CDC14A: variants seen among roughly 807,000 people sequenced by gnomAD.
CDC14A encodes dual specificity protein phosphatase CDC14A.
Under a neutral mutation model 74.4 loss-of-function variants are expected in CDC14A, and 53 were observed. The observed-to-expected ratio is 0.71, with a 90% confidence interval of 0.57 to 0.89. The LOEUF (loss-of-function observed/expected upper bound fraction) is 0.89. Ranked by LOEUF, CDC14A falls within the 40% of genes least tolerant of loss-of-function variation. The pLI, the probability that CDC14A is intolerant of heterozygous loss-of-function variation, is 0.00. For missense variants in CDC14A, 646 were observed against 713.7 expected (o/e 0.91, Z 1.08); for synonymous variants, 247 against 258.4 (o/e 0.96, Z 0.43).
chr1:100,455,907 A>C (rs146575794), intron 8 of CDC14A, among the ~76,000 whole-genome samples: 1 of 152,362 alleles, frequency 6.6e-6, no homozygotes, highest in East Asian at 1.9e-4. Flanking sequence ...TCTGTCATTT[A>C]CTGAATACTT....
At chr1:100,499,584 G>A (rs1455304436) in intron 15 of CDC14A, 1 of 672,300 alleles carries the variant, frequency 1.5e-6, no homozygotes, top group Admixed American at 3.5e-5. Flanking sequence ...TTACTTTTCA[G>A]TTATGTTTCC....
chr1:100,363,151 T>G (rs1488877652), intron 2 of CDC14A: 1 of 152,276 alleles, frequency 6.6e-6, no homozygotes, highest in Non-Finnish European at 1.5e-5. Context: ...AGTGCCGTCT[T>G]GTCTGCTCCT....
At chr1:100,498,782 G>A (rs536410755) in intron 14 of CDC14A, 147 bp from the exon 15 acceptor site, 60 of 1,179,370 alleles carry the variant, frequency 5.1e-5, no homozygotes, top group Non-Finnish European at 5.1e-5. Context: ...GGGTGATGAG[G>A]AAGCCATCCT....
At chr1:100,476,000 C>T (rs1668856082) in intron 10 of CDC14A, among the ~76,000 whole-genome samples, 1 of 152,130 alleles carries the variant, frequency 6.6e-6, no homozygotes, top group South Asian at 2.1e-4. Flanking sequence ...TCCAGGATCC[C>T]CTCTCAGTCT....
chr1:100,348,410 C>T (rs1650626743), upstream of CDC14A, among the ~76,000 whole-genome samples: 2 of 151,794 alleles, frequency 1.3e-5, no homozygotes, highest in African/African-American at 2.4e-5. Context: ...TTCAGAACTG[C>T]TTACACCAGT....
intron 15 of CDC14A, among the ~76,000 whole-genome samples, chr1:100,500,106 C>CT (rs1317957892): frequency 6.6e-6 from 1 of 152,088 alleles, no homozygotes; most frequent in African/African-American, 2.4e-5. Flanking sequence ...GTATTGAGAT[C>CT]TATAGGAATG....
intron 10 of CDC14A, 59 bp from the exon 11 acceptor site, chr1:100,484,233 T>C (rs1419649813): frequency 4.0e-6 from 4 of 994,396 alleles, no homozygotes; most frequent in Non-Finnish European, 5.7e-6. Context: ...GAGATGAGAG[T>C]AGATTGTTTT....
intron 3 of CDC14A, among the ~76,000 whole-genome samples, chr1:100,390,022 G>A (rs1055459198): frequency 1.3e-5 from 2 of 151,928 alleles, no homozygotes; most frequent in Admixed American, 1.3e-4. Context: ...TTCATGTTTA[G>A]CATGTGTACA....
At chr1:100,417,973 T>A (rs1199207318) in intron 4 of CDC14A, among the ~76,000 whole-genome samples, 1 of 152,204 alleles carries the variant, frequency 6.6e-6, no homozygotes, top group African/African-American at 2.4e-5. Flanking sequence ...TAAAGGAAAC[T>A]AATTACAAAA....
chr1:100,370,074 C>A (rs1164030103), intron 2 of CDC14A, among the ~76,000 whole-genome samples: 1 of 151,636 alleles, frequency 6.6e-6, no homozygotes, highest in Non-Finnish European at 1.5e-5. Flanking sequence ...GCCTCGACCT[C>A]CCGGGCTCAA....
At chr1:100,469,820 G>A (rs1276946852) in intron 10 of CDC14A, among the ~76,000 whole-genome samples, 1 of 152,098 alleles carries the variant, frequency 6.6e-6, no homozygotes, top group African/African-American at 2.4e-5. Flanking sequence ...TTTCATGGCT[G>A]CATACTCCCT....
At chr1:100,455,966 A>G (rs572403510) in intron 8 of CDC14A, among the ~76,000 whole-genome samples, 2 of 152,348 alleles carry the variant, frequency 1.3e-5, no homozygotes, top group East Asian at 3.9e-4. Flanking sequence ...AACACTCAAC[A>G]CAACTCTATG....
intron 2 of CDC14A, among the ~76,000 whole-genome samples, chr1:100,363,627 T>A (rs1000288079): frequency 9.2e-5 from 14 of 151,772 alleles, no homozygotes; most frequent in Non-Finnish European, 2.1e-4. Context: ...TTTTTTTTTT[T>A]ATAAAATTTA....
At chr1:100,473,742 A>AGT (rs564280925) in intron 10 of CDC14A, among the ~76,000 whole-genome samples, 44 of 151,666 alleles carry the variant, frequency 2.9e-4, no homozygotes, top group Middle Eastern at 3.4e-3. Context: ...TTTATATGGG[A>AGT]GTGTGTGTGT....
intron 2 of CDC14A, among the ~76,000 whole-genome samples, chr1:100,374,487 T>C (rs1040866348): frequency 2.6e-5 from 4 of 152,252 alleles, no homozygotes; most frequent in African/African-American, 4.8e-5. Context: ...GACTTTTTAA[T>C]GATCGCCATT....
At chr1:100,511,633 C>G (rs1649792589) in intron 15 of CDC14A, among the ~76,000 whole-genome samples, 2 of 152,160 alleles carry the variant, frequency 1.3e-5, no homozygotes, top group African/African-American at 4.8e-5. Flanking sequence ...ATCCAGTCAT[C>G]CAAGCTAGAC....
intron 4 of CDC14A, among the ~76,000 whole-genome samples, chr1:100,421,776 T>G (rs1259959903): frequency 6.6e-6 from 1 of 152,246 alleles, no homozygotes; most frequent in Non-Finnish European, 1.5e-5. Flanking sequence ...AACGCGAGTT[T>G]GGAAAGTTCC....
intron 4 of CDC14A, among the ~76,000 whole-genome samples, chr1:100,420,053 C>T (rs866347680): frequency 0.022 from 394 of 18,218 alleles, 6 homozygotes; most frequent in African/African-American, 0.071. Context: ...CACACACACA[C>T]ACACACACAC....
At chr1:100,420,053 CACACACACA>C (rs1644527581) in intron 4 of CDC14A, among the ~76,000 whole-genome samples, 1 of 18,372 alleles carries the variant, frequency 5.4e-5, no homozygotes, top group East Asian at 1.8e-3. Context: ...CACACACACA[CACACACACA>C]CATATATATA....
Sources: gnomAD v4.1 joint callset for allele counts (sites outside exome capture counted in the v4.1 genomes callset) on GRCh38, gnomAD v4.1.1 for gene constraint, MANE v1.5 for transcripts, NCBI Gene and HGNC (gene_info 2026-07-23, HGNC 2026-07-21) for gene names.